Variants in LRRC37A2 observed in about 807,000 individuals in gnomAD.
LRRC37A2 encodes the protein leucine-rich repeat-containing protein 37A2.
In LRRC37A2, 9 loss-of-function variants were observed where a neutral mutation model predicts 68.8. That is an observed-to-expected ratio of 0.13 (90% CI 0.08 to 0.23). The LOEUF is 0.23. Ranked by LOEUF, LRRC37A2 falls within the 10% of genes least tolerant of loss-of-function variation. LRRC37A2 has a pLI of 1.00. For synonymous variants in LRRC37A2, 63 were observed against 367.6 expected (o/e 0.17, Z 9.48); for missense variants, 168 against 950.4 (o/e 0.18, Z 10.82).
the LRRC37A2 span, among the ~76,000 whole-genome samples, chr17:47,036,642 T>C: frequency 2.0e-5 from 3 of 151,588 alleles, no homozygotes; most frequent in East Asian, 3.9e-4. Flanking sequence ...CAAAAATCAA[T>C]TTTCCATAAA....
intron 6 of LRRC37A2, among the ~76,000 whole-genome samples, chr17:46,534,720 C>G (rs1357244592): frequency 1.3e-5 from 2 of 150,176 alleles, no homozygotes; most frequent in African/African-American, 2.5e-5. Flanking sequence ...GTACACCTCC[C>G]AGACGGGGTG....
chr17:46,865,994 A>G, the LRRC37A2 span, among the ~76,000 whole-genome samples: 1 of 152,166 alleles, frequency 6.6e-6, no homozygotes, highest in African/African-American at 2.4e-5. Context: ...AAGTGAAAAG[A>G]GGGGGTGGAG....
the LRRC37A2 span, chr17:46,818,763 C>A: frequency 1.7e-5 from 12 of 724,804 alleles, no homozygotes; most frequent in African/African-American, 5.3e-5. Context: ...GCGGAGCAGC[C>A]GGGTTTGAGG....
chr17:46,769,681 C>T, the LRRC37A2 span: 1 of 1,509,398 alleles, frequency 6.6e-7, no homozygotes, highest in African/African-American at 1.4e-5. Context: ...GAGCCCGCGA[C>T]CCACAGGGCT....
chr17:46,795,211 A>T, the LRRC37A2 span, among the ~76,000 whole-genome samples: 129 of 151,844 alleles, frequency 8.5e-4, no homozygotes, highest in African/African-American at 3.0e-3. Flanking sequence ...CTCCCCCATA[A>T]ACACCCTCTG....
At chr17:47,018,799 A>G in the LRRC37A2 span, 23 of 1,521,220 alleles carry the variant, frequency 1.5e-5, no homozygotes, top group Middle Eastern at 1.1e-3. Flanking sequence ...CCTCCAGAGC[A>G]TTCACCCCTG....
chr17:46,589,375 C>A, the LRRC37A2 span, among the ~76,000 whole-genome samples: 1 of 133,098 alleles, frequency 7.5e-6, no homozygotes, highest in East Asian at 2.1e-4. Context: ...TAGACGGAGT[C>A]TCGCTCTGTT....
At chr17:47,018,663 C>A in the LRRC37A2 span, 1 of 1,520,212 alleles carries the variant, frequency 6.6e-7, no homozygotes, top group Non-Finnish European at 9.1e-7. Context: ...TAATGAGAAC[C>A]CCTCTCCAAC....
chr17:46,995,175 C>T, the LRRC37A2 span, among the ~76,000 whole-genome samples: 2 of 152,124 alleles, frequency 1.3e-5, no homozygotes, highest in African/African-American at 4.8e-5. Flanking sequence ...CTCAGACAGC[C>T]AGGCTAAGCT....
At chr17:46,879,971 T>A in the LRRC37A2 span, among the ~76,000 whole-genome samples, 12 of 152,208 alleles carry the variant, frequency 7.9e-5, no homozygotes, top group African/African-American at 2.9e-4. Flanking sequence ...ACTGGGCCCC[T>A]CCCAACCTAC....
chr17:46,779,812 T>C, the LRRC37A2 span, among the ~76,000 whole-genome samples: 1 of 151,874 alleles, frequency 6.6e-6, no homozygotes, highest in South Asian at 2.1e-4. Context: ...CGGGCTGGAG[T>C]ACAAAGCGTG....
At chr17:46,770,843 G>A in the LRRC37A2 span, among the ~76,000 whole-genome samples, 2 of 152,354 alleles carry the variant, frequency 1.3e-5, no homozygotes, top group East Asian at 3.9e-4. Context: ...TCATTCACAT[G>A]GAAAGTTTTA....
the LRRC37A2 span, among the ~76,000 whole-genome samples, chr17:47,023,424 C>T: frequency 1.1e-4 from 17 of 152,174 alleles, no homozygotes; most frequent in Non-Finnish European, 1.6e-4. Flanking sequence ...CGGTGGCTCA[C>T]GCCTTTAATC....
At chr17:46,543,795 G>C (rs1394616168) in intron 8 of LRRC37A2, among the ~76,000 whole-genome samples, 1 of 150,898 alleles carries the variant, frequency 6.6e-6, no homozygotes, top group East Asian at 1.9e-4. Context: ...AGGAAAAAAA[G>C]AAAATGTTTA....
chr17:46,833,198 G>A, the LRRC37A2 span: 17 of 393,334 alleles, frequency 4.3e-5, no homozygotes, highest in Admixed American at 2.0e-4. Context: ...CACAGAGGAC[G>A]TCAGCAAACC....
chr17:46,503,088 T>C, the LRRC37A2 span, among the ~76,000 whole-genome samples: 2 of 150,376 alleles, frequency 1.3e-5, no homozygotes, highest in African/African-American at 5.0e-5. Flanking sequence ...GGGGGGCGCC[T>C]GTAGTCCCAG....
the LRRC37A2 span, among the ~76,000 whole-genome samples, chr17:47,007,046 G>C: frequency 6.6e-6 from 1 of 152,198 alleles, no homozygotes. Context: ...CATAGAAGCT[G>C]AGGAAAAGTT....
At chr17:47,047,931 TA>T in the LRRC37A2 span, among the ~76,000 whole-genome samples, 1 of 151,220 alleles carries the variant, frequency 6.6e-6, no homozygotes, top group Admixed American at 6.6e-5. Context: ...TCATGACTTC[TA>T]AAATGTGACT....
At chr17:46,749,923 T>C in the LRRC37A2 span, 1 of 1,612,928 alleles carries the variant, frequency 6.2e-7, no homozygotes, top group Non-Finnish European at 8.5e-7. Flanking sequence ...AATGAGTCAA[T>C]GGATTGCACA....
Sources: gnomAD v4.1 joint callset for allele counts (sites outside exome capture counted in the v4.1 genomes callset) on GRCh38, gnomAD v4.1.1 for gene constraint, MANE v1.5 for transcripts, NCBI Gene and HGNC (gene_info 2026-07-23, HGNC 2026-07-21) for gene names.